Variants in ST8SIA6 observed in about 807,000 individuals in gnomAD.
ST8SIA6 encodes the protein ST8 alpha-N-acetyl-neuraminide alpha-2,8-sialyltransferase 6.
A neutral mutation model predicts 33.6 loss-of-function variants in ST8SIA6; 39 were observed. That is an observed-to-expected ratio of 1.16 (90% CI 0.90 to 1.52). The LOEUF is 1.52. ST8SIA6 is among the 40% of genes most tolerant of loss of function. The pLI, the probability that ST8SIA6 is intolerant of heterozygous loss-of-function variation, is 0.00. For missense variants in ST8SIA6, 441 were observed against 443.8 expected (o/e 0.99, Z 0.06); for synonymous variants, 172 against 167.2 (o/e 1.03, Z -0.22).
At chr10:17,415,959 C>T (rs73595984) in intron 2 of ST8SIA6, among the ~76,000 whole-genome samples, 8,103 of 151,670 alleles carry the variant, frequency 0.053, 732 homozygotes, top group African/African-American at 0.18. Flanking sequence ...ACAGGTGCGC[C>T]ACCGTGCTCA....
intron 4 of ST8SIA6, among the ~76,000 whole-genome samples, chr10:17,349,928 TTAAA>T (rs1428155783): frequency 4.4e-5 from 6 of 136,272 alleles, no homozygotes; most frequent in South Asian, 2.7e-4. Context: ...GGTCTGTAAA[TTAAA>T]TAAACACACA....
chr10:17,365,823 TG>T (rs778517823), intron 3 of ST8SIA6, among the ~76,000 whole-genome samples: 34 of 152,352 alleles, frequency 2.2e-4, no homozygotes, highest in Admixed American at 6.5e-4. Context: ...GATACCAATT[TG>T]GTTTCCTATG....
At chr10:17,410,543 G>A (rs1469169297) in intron 2 of ST8SIA6, 4 of 152,072 alleles carry the variant, frequency 2.6e-5, no homozygotes, top group Non-Finnish European at 5.9e-5. Flanking sequence ...TGCCCTTTAT[G>A]TGCTGTTTTA....
rs7094629 is a variant in ST8SIA6 at position 17,386,695 on chromosome 10, C to A, written c.290+3836G>T. The stretch of plus-strand genomic sequence containing the variant: ...GAGCAACAGGCAGTTTTAATGAATG[C>A]CTGAAGGCAGACCTTCAGGCCATTT... On this transcript the variant is annotated intron_variant, in intron 3 of 7. Coordinates refer to ENST00000377602, the MANE Select transcript of ST8SIA6 (RefSeq NM_001004470.3). Among the ~76,000 whole-genome samples the A allele has an allele frequency of 2.2e-3, 330 of 152,280 alleles. 4 individuals are homozygous for A. The highest frequency in any genetic ancestry group is 7.8e-3 in the African/African-American group (323 of 41,564).
rs566868558 is a variant in ST8SIA6, at chr10:17,332,031, A to T, written c.378-479T>A. On this transcript the variant is annotated intron_variant, in intron 4 of 7. Transcript: ENST00000377602. ...TGTTCAACTCCCACTTATAAGTAAG[A>T]ACATGTGGTGTGTTTGGTTTTCTGT... 5.3e-5 allele frequency among the ~76,000 whole-genome samples: 8 copies of T among 152,290 alleles called. No homozygotes were observed. The South Asian group carries it at 1.7e-3, about 32-fold the overall frequency.
At chr10:17,327,581 G>A (rs1308158630) in intron 5 of ST8SIA6, among the ~76,000 whole-genome samples, 6 of 151,558 alleles carry the variant, frequency 4.0e-5, no homozygotes, top group African/African-American at 7.3e-5. Context: ...ATGAGACTCC[G>A]TCTCCAAAAC....
At chr10:17,373,620 G>A (rs1849803579) in intron 3 of ST8SIA6, among the ~76,000 whole-genome samples, 1 of 152,080 alleles carries the variant, frequency 6.6e-6, no homozygotes, top group Non-Finnish European at 1.5e-5. Context: ...TGCAGCTCTG[G>A]CTACCACAAA....
At chr10:17,331,643 G>A (rs948969267) in intron 4 of ST8SIA6, 91 bp from the exon 5 acceptor site, 10 of 1,315,080 alleles carry the variant, frequency 7.6e-6, no homozygotes, top group Non-Finnish European at 9.0e-6. Flanking sequence ...AGAGGATTTT[G>A]CCAAACTGAC....
intron 4 of ST8SIA6, among the ~76,000 whole-genome samples, chr10:17,351,563 A>G (rs1240738210): frequency 6.6e-6 from 1 of 150,710 alleles, no homozygotes; most frequent in African/African-American, 2.4e-5. Context: ...TACCCAAAGG[A>G]AATGAAATCA....
intron 3 of ST8SIA6, among the ~76,000 whole-genome samples, chr10:17,369,519 G>A (rs1213326500): frequency 1.3e-5 from 2 of 152,120 alleles, no homozygotes; most frequent in South Asian, 2.1e-4. Flanking sequence ...AATGATTTGT[G>A]TGCTTTTGAG....
At chr10:17,337,761 A>G (rs963362088) in intron 4 of ST8SIA6, among the ~76,000 whole-genome samples, 1 of 152,232 alleles carries the variant, frequency 6.6e-6, no homozygotes, top group African/African-American at 2.4e-5. Flanking sequence ...TCAACTAGAC[A>G]TGTTCACAAT....
chr10:17,416,602 C>G (rs1338354589), intron 2 of ST8SIA6, among the ~76,000 whole-genome samples: 3 of 152,104 alleles, frequency 2.0e-5, no homozygotes, highest in Non-Finnish European at 4.4e-5. Context: ...TCCTGTCCTT[C>G]TCTTCTCTCC....
At chr10:17,415,213 C>G (rs1851565177) in intron 2 of ST8SIA6, among the ~76,000 whole-genome samples, 1 of 152,200 alleles carries the variant, frequency 6.6e-6, no homozygotes, top group Non-Finnish European at 1.5e-5. Flanking sequence ...AATGTAGCTT[C>G]TGGGACTCAG....
chr10:17,381,103 T>C (rs545963758), intron 3 of ST8SIA6, among the ~76,000 whole-genome samples: 5 of 152,182 alleles, frequency 3.3e-5, no homozygotes, highest in African/African-American at 9.7e-5. Flanking sequence ...AACATAGTTA[T>C]TGAAACAGAG....
chr10:17,389,332 C>A (rs1056083905), intron 3 of ST8SIA6, among the ~76,000 whole-genome samples: 3 of 152,218 alleles, frequency 2.0e-5, no homozygotes, highest in Admixed American at 1.3e-4. Flanking sequence ...AGGCAGTGGG[C>A]AAGGTGAAAC....
At chr10:17,419,154 G>T (rs1206646170) in intron 2 of ST8SIA6, among the ~76,000 whole-genome samples, 1 of 151,908 alleles carries the variant, frequency 6.6e-6, no homozygotes, top group African/African-American at 2.4e-5. Flanking sequence ...ATGATCACCA[G>T]TAGTAAGTAT....
At chr10:17,426,496 G>A (rs1316273558) in intron 2 of ST8SIA6, among the ~76,000 whole-genome samples, 2 of 152,152 alleles carry the variant, frequency 1.3e-5, no homozygotes, top group Admixed American at 6.6e-5. Flanking sequence ...AAGAGCTGGC[G>A]TTTTTAAAAG....
chr10:17,315,721 A>G lies in ST8SIA6; in HGVS notation c.*5157T>C, dbSNP rs758965955. ...ATGTCTATAGAAAAACAGATTAGGA[A>G]TTTTCTGGGGACGAGGGTGGGATGG... On this transcript the variant is annotated 3_prime_UTR_variant, in exon 8 of 8. Coordinates refer to ENST00000377602, the MANE Select transcript of ST8SIA6 (RefSeq NM_001004470.3). Among the ~76,000 whole-genome samples the G allele has an allele frequency of 1.2e-4, 19 of 152,068 alleles. No individual in the cohort carries two copies. The highest frequency in any genetic ancestry group is 2.4e-4 in the Non-Finnish European group (16 of 67,870).
intron 6 of ST8SIA6, among the ~76,000 whole-genome samples, chr10:17,325,820 T>C (rs1268763557): frequency 6.6e-6 from 1 of 152,190 alleles, no homozygotes; most frequent in African/African-American, 2.4e-5. Flanking sequence ...GACAGTTATT[T>C]TAGAATTATA....
Sources: gnomAD v4.1 joint callset for allele counts (sites outside exome capture counted in the v4.1 genomes callset) on GRCh38, gnomAD v4.1.1 for gene constraint, MANE v1.5 for transcripts, NCBI Gene and HGNC (gene_info 2026-07-23, HGNC 2026-07-21) for gene names.